The following EBPL variants were observed in gnomAD, a reference collection of about 807,000 sequenced individuals.
EBPL encodes the protein emopamil-binding protein-like.
A neutral mutation model predicts 19.0 loss-of-function variants in EBPL; 20 were observed. The observed-to-expected ratio is 1.05, with a 90% CI of 0.74 to 1.53. The LOEUF (loss-of-function observed/expected upper bound fraction) is 1.53. Ranked by LOEUF, EBPL falls within the 40% of genes most tolerant of loss-of-function variation. The pLI, the probability that EBPL is intolerant of heterozygous loss-of-function variation, is 0.00. For synonymous variants in EBPL, 107 were observed against 117.0 expected (o/e 0.91, Z 0.55); for missense variants, 219 against 261.1 (o/e 0.84, Z 1.11).
chr13:49,661,255 T>A (rs1343634263), intron 3 of EBPL, 47 bp from the exon 4 acceptor site: 1 of 1,489,218 alleles, frequency 6.7e-7, no homozygotes, highest in Non-Finnish European at 9.3e-7. Flanking sequence ...CTTGGCACAG[T>A]TTGGCATCAG....
At chr13:49,685,316 A>G (rs548765647) in intron 1 of EBPL, among the ~76,000 whole-genome samples, 2 of 152,326 alleles carry the variant, frequency 1.3e-5, no homozygotes, top group South Asian at 4.1e-4. Flanking sequence ...GTATATGATA[A>G]AGCTGGCATC....
intron 2 of EBPL, among the ~76,000 whole-genome samples, chr13:49,665,130 T>G (rs940375550): frequency 7.6e-6 from 1 of 130,956 alleles, no homozygotes; most frequent in African/African-American, 2.9e-5. Context: ...TTTTTTTTTT[T>G]GAGAAGGAGT....
At chr13:49,666,711 C>CAA (rs35086927) in intron 2 of EBPL, among the ~76,000 whole-genome samples, 1,166 of 80,824 alleles carry the variant, frequency 0.014, 37 homozygotes, top group Middle Eastern at 0.026. Flanking sequence ...GACTCCGTCT[C>CAA]AAAAAAAAAA....
At chr13:49,668,414 A>T (rs1953767434) in intron 2 of EBPL, 1 of 247,230 alleles carries the variant, frequency 4.0e-6, no homozygotes, top group South Asian at 3.6e-5. Flanking sequence ...TCTACTAAAA[A>T]TACAAAAAAA....
At chr13:49,689,785 G>C (rs568018373) in intron 1 of EBPL, among the ~76,000 whole-genome samples, 1 of 151,894 alleles carries the variant, frequency 6.6e-6, no homozygotes, top group Non-Finnish European at 1.5e-5. Context: ...TTTTCTAACC[G>C]GGCCTAGCAA....
chr13:49,683,422 T>C (rs1953963225), intron 1 of EBPL, among the ~76,000 whole-genome samples: 1 of 151,996 alleles, frequency 6.6e-6, no homozygotes, highest in African/African-American at 2.4e-5. Flanking sequence ...TCCCAGCTAC[T>C]TGGGAGGCTG....
At chr13:49,661,527 C>G (rs1041635124) in intron 3 of EBPL, among the ~76,000 whole-genome samples, 34 of 152,150 alleles carry the variant, frequency 2.2e-4, no homozygotes, top group African/African-American at 8.0e-4. Context: ...AGGCCTGACT[C>G]TGAATCTCAC....
chr13:49,677,769 G>A (rs1953891924), intron 1 of EBPL, among the ~76,000 whole-genome samples: 1 of 152,176 alleles, frequency 6.6e-6, no homozygotes, highest in Non-Finnish European at 1.5e-5. Flanking sequence ...CAAATATTGT[G>A]TCTGGAATTG....
Position 49,660,868 on chromosome 13 carries a change from A to T in EBPL, c.*100T>A. ...GTTGTTCAGGAGCAACAATACAAAA[A>T]CAAAGTGTAGACTGGAATGTATTAC... On this transcript the variant is annotated 3_prime_UTR_variant, in exon 4 of 4. Transcript: ENST00000242827. 9.1e-7 allele frequency: 1 copy of T among 1,093,656 alleles called. No homozygotes were observed. The highest frequency in any genetic ancestry group is 1.3e-6 in the Non-Finnish European group (1 of 755,270). The allele number at this position is 1,093,656 out of a possible 1,614,324, so 67.7% of individuals were successfully genotyped here.
chr13:49,664,400 G>A (rs1296005645), intron 2 of EBPL, among the ~76,000 whole-genome samples: 3 of 152,122 alleles, frequency 2.0e-5, no homozygotes, highest in Non-Finnish European at 2.9e-5. Context: ...AACTCACAAT[G>A]GCTCTCACAC....
chr13:49,660,852 G>C lies in EBPL; in HGVS notation c.*116C>G, dbSNP rs1594401264. On this transcript the variant is annotated 3_prime_UTR_variant, in exon 4 of 4. Coordinates refer to ENST00000242827, the MANE Select transcript of EBPL (RefSeq NM_032565.5). Reference sequence around the variant, plus strand: ...AACCAATTTGAAACAGGTTGTTCAGGAGCAACAATACAAAAACAAAGTGTA... The same window carrying C: ...AACCAATTTGAAACAGGTTGTTCAGCAGCAACAATACAAAAACAAAGTGTA... The C allele has an allele frequency of 1.1e-6, 1 of 918,874 alleles. No homozygotes were observed. Among genetic ancestry groups the C allele is most frequent in the African/African-American group, 1.7e-5 (1 of 60,234 alleles). 56.9% of individuals were successfully genotyped at this position (918,874 alleles called of 1,614,324 possible). A position where few individuals can be genotyped will look rare whatever the true frequency, so the allele number is the denominator to read the frequency against.
intron 2 of EBPL, among the ~76,000 whole-genome samples, 195 bp downstream of exon 2, chr13:49,669,582 C>A (rs1953787705): frequency 6.6e-6 from 1 of 152,018 alleles, no homozygotes; most frequent in Non-Finnish European, 1.5e-5. Context: ...AGCAGTCACT[C>A]CTCATTTCCC....
At chr13:49,686,474 C>G (rs535197584) in intron 1 of EBPL, 204 of 1,286,808 alleles carry the variant, frequency 1.6e-4, no homozygotes, top group Non-Finnish European at 2.0e-4. Context: ...AGGTGCCTCA[C>G]CTTTTATTTT....
intron 1 of EBPL, among the ~76,000 whole-genome samples, chr13:49,675,432 C>T (rs1953865213): frequency 6.6e-6 from 1 of 152,232 alleles, no homozygotes; most frequent in Non-Finnish European, 1.5e-5. Context: ...TGTCCTTATG[C>T]AGTGATGACT....
intron 1 of EBPL, among the ~76,000 whole-genome samples, chr13:49,672,665 A>G (rs1293386744): frequency 2.6e-5 from 4 of 152,252 alleles, no homozygotes; most frequent in Non-Finnish European, 5.9e-5. Context: ...AAAGTACATA[A>G]AGATGGCAAA....
chr13:49,690,160 AC>A (rs11346914), intron 1 of EBPL, among the ~76,000 whole-genome samples: 47,038 of 141,186 alleles, frequency 0.33, 8,552 homozygotes, highest in Non-Finnish European at 0.4. Flanking sequence ...AAGAACAACA[AC>A]AAAAAAAAAG....
intron 2 of EBPL, 115 bp downstream of exon 2, chr13:49,669,662 A>G: frequency 1.1e-6 from 1 of 921,708 alleles, no homozygotes; most frequent in Non-Finnish European, 1.7e-6. Context: ...AGACTCACCT[A>G]TTCTGGACAT....
intron 1 of EBPL, among the ~76,000 whole-genome samples, chr13:49,687,106 C>T (rs745751803): frequency 6.6e-6 from 1 of 152,212 alleles, no homozygotes; most frequent in Admixed American, 6.5e-5. Flanking sequence ...CAGCACTATT[C>T]TCTCTTAACT....
intron 1 of EBPL, among the ~76,000 whole-genome samples, chr13:49,678,338 C>G (rs1953901222): frequency 6.6e-6 from 1 of 152,362 alleles, no homozygotes; most frequent in South Asian, 2.1e-4. Context: ...CGCCGGCACT[C>G]CTCAGCCCTT....
Sources: gnomAD v4.1 joint callset for allele counts (sites outside exome capture counted in the v4.1 genomes callset) on GRCh38, gnomAD v4.1.1 for gene constraint, MANE v1.5 for transcripts, NCBI Gene and HGNC (gene_info 2026-07-23, HGNC 2026-07-21) for gene names.